Variants in NBAS observed in about 807,000 individuals in gnomAD.
NBAS encodes NBAS subunit of NRZ tethering complex.
In NBAS, 219 loss-of-function variants were observed where a neutral mutation model predicts 302.5. The observed-to-expected ratio is 0.72, with a 90% CI of 0.65 to 0.81. The LOEUF (loss-of-function observed/expected upper bound fraction) is 0.81, where lower values mean the gene tolerates loss of function less well. Among genes scored for constraint, NBAS ranks in the 30% least tolerant of loss-of-function variants. The pLI is 0.00. For missense variants in NBAS, 2,932 were observed against 2,841.6 expected (o/e 1.03, Z -0.72); for synonymous variants, 1,118 against 1,021.6 (o/e 1.09, Z -1.80).
chr2:15,394,242 C>T lies in NBAS; in HGVS notation c.3242G>A (p.Arg1081Lys). The change falls in exon 28 of 52, where the codon AGG (arginine) becomes AAG (lysine). Residue 1081 changes from arginine (R) to lysine (K), a missense_variant. Transcript: ENST00000281513. ...EARKLMVRLT[R>K]HTGRKQPPVS... ...TATTACTCACTTCCGGCCAGTGTGC[C>T]TCGTCAATCTAACCATCAGCTTGCG... is the stretch of plus-strand genomic sequence containing the variant. The T allele has an allele frequency of 1.2e-6, 2 of 1,609,842 alleles. No individual in the cohort carries two copies. The highest frequency in any genetic ancestry group is 1.7e-6 in the Non-Finnish European group (2 of 1,177,528).
the NBAS span, among the ~76,000 whole-genome samples, chr2:14,893,611 C>G: frequency 7.2e-5 from 11 of 152,190 alleles, no homozygotes; most frequent in Non-Finnish European, 1.6e-4. Context: ...GCTCCTGGAA[C>G]CCTTCCTTCA....
chr2:15,478,111 G>A (rs1680267764), intron 13 of NBAS, 115 bp downstream of exon 13: 3 of 746,376 alleles, frequency 4.0e-6, no homozygotes, highest in South Asian at 3.4e-5. Context: ...AAATCTTGAT[G>A]TTTCTTCCAA....
chr2:14,814,470 T>C, the NBAS span, among the ~76,000 whole-genome samples: 1 of 152,212 alleles, frequency 6.6e-6, no homozygotes, highest in East Asian at 1.9e-4. Context: ...GGTGATTATT[T>C]TGGAGCTTTG....
At chr2:15,439,718 G>A (rs1382808384) in intron 21 of NBAS, among the ~76,000 whole-genome samples, 1 of 152,218 alleles carries the variant, frequency 6.6e-6, no homozygotes, top group Non-Finnish European at 1.5e-5. Context: ...CCTCACTCGG[G>A]AAGCGCAAGG....
At chr2:15,380,924 G>A (rs1156468347) in intron 29 of NBAS, among the ~76,000 whole-genome samples, 1 of 89,576 alleles carries the variant, frequency 1.1e-5, no homozygotes, top group Non-Finnish European at 2.7e-5. Flanking sequence ...GGCATTTTTA[G>A]ACAAGTCTTG....
At chr2:15,531,526 G>A (rs1663214835) in intron 9 of NBAS, among the ~76,000 whole-genome samples, 1 of 152,060 alleles carries the variant, frequency 6.6e-6, no homozygotes, top group African/African-American at 2.4e-5. Context: ...TTCAAAACGT[G>A]GCAAATTAAA....
chr2:15,331,870 G>A (rs868165764), intron 35 of NBAS, among the ~76,000 whole-genome samples: 7 of 152,162 alleles, frequency 4.6e-5, no homozygotes, highest in Admixed American at 1.3e-4. Context: ...TACAGACCTC[G>A]AAGTGAGGAG....
chr2:15,379,491 T>C (rs1674923156), intron 30 of NBAS, 111 bp downstream of exon 30: 2 of 1,047,058 alleles, frequency 1.9e-6, no homozygotes, highest in Middle Eastern at 2.9e-4. Context: ...CCATATAGTG[T>C]AGTCAATCTG....
At chr2:14,952,375 T>C in the NBAS span, among the ~76,000 whole-genome samples, 8 of 152,254 alleles carry the variant, frequency 5.3e-5, no homozygotes, top group Non-Finnish European at 7.3e-5. Flanking sequence ...TTTTCCCCTT[T>C]ACTTCTCCTT....
At chr2:15,245,364 G>A (rs1195667137) in intron 44 of NBAS, among the ~76,000 whole-genome samples, 1 of 151,936 alleles carries the variant, frequency 6.6e-6, no homozygotes, top group Non-Finnish European at 1.5e-5. Flanking sequence ...TGTTCTCCCA[G>A]GCACCCTCAT....
intron 35 of NBAS, among the ~76,000 whole-genome samples, chr2:15,350,269 T>C (rs1312371188): frequency 6.6e-6 from 1 of 151,994 alleles, no homozygotes; most frequent in African/African-American, 2.4e-5. Context: ...TTTGTCAAGA[T>C]GGATACAGCA....
the NBAS span, among the ~76,000 whole-genome samples, chr2:14,878,278 G>T: frequency 6.6e-6 from 1 of 152,310 alleles, no homozygotes; most frequent in South Asian, 2.1e-4. Flanking sequence ...GGAAAGAGCT[G>T]CTGAACAGAG....
chr2:15,064,301 T>A, the NBAS span, among the ~76,000 whole-genome samples: 60 of 35,906 alleles, frequency 1.7e-3, no homozygotes, highest in African/African-American at 3.3e-3. Flanking sequence ...GAGAAAAGAC[T>A]CAAAAAAAAA....
the NBAS span, among the ~76,000 whole-genome samples, chr2:14,921,343 C>T: frequency 6.6e-6 from 1 of 152,050 alleles, no homozygotes; most frequent in Non-Finnish European, 1.5e-5. Flanking sequence ...ATCACAATAA[C>T]AGATATAATC....
the NBAS span, among the ~76,000 whole-genome samples, chr2:15,023,764 G>C: frequency 6.6e-6 from 1 of 150,932 alleles, no homozygotes; most frequent in Admixed American, 6.6e-5. Flanking sequence ...TTTCTTAATG[G>C]TTGTTTGCCT....
At chr2:15,091,424 T>C in the NBAS span, among the ~76,000 whole-genome samples, 5 of 152,260 alleles carry the variant, frequency 3.3e-5, no homozygotes, top group African/African-American at 1.2e-4. Context: ...AAGACCTTTA[T>C]GAAGATCCAC....
In NBAS at chr2:15,419,018, T is replaced by A. The variant is rs554340361; in HGVS notation, c.2578-1306A>T. Among the ~76,000 whole-genome samples the A allele has an allele frequency of 1.2e-4, 18 of 152,260 alleles. No homozygotes were observed. In the East Asian group the frequency reaches 3.1e-3, roughly 26 times the overall value. On this transcript the variant is annotated intron_variant, in intron 23 of 51. Coordinates refer to ENST00000281513, the MANE Select transcript of NBAS (RefSeq NM_015909.4). ...ACTGGAGTGAAAATAGGCAGGCTGG[T>A]CAGAAGAATTACAGTTACCAGTATT...
chr2:14,918,373 A>G, the NBAS span, among the ~76,000 whole-genome samples: 1 of 151,940 alleles, frequency 6.6e-6, no homozygotes, highest in East Asian at 1.9e-4. Context: ...TCTCCATCTG[A>G]CCTGAGTAGA....
intron 9 of NBAS, among the ~76,000 whole-genome samples, chr2:15,517,853 T>C (rs908773983): frequency 6.6e-6 from 1 of 152,134 alleles, no homozygotes; most frequent in African/African-American, 2.4e-5. Context: ...TTCGCTGCCA[T>C]ACCCAGCATC....
Sources: allele counts gnomAD v4.1 joint callset (sites outside exome capture counted in the v4.1 genomes callset), GRCh38; gene constraint gnomAD v4.1.1; transcripts MANE v1.5; gene names NCBI Gene and HGNC (gene_info 2026-07-23, HGNC 2026-07-21).